Variants in THSD7B observed in about 807,000 individuals in gnomAD.
THSD7B encodes thrombospondin type-1 domain-containing protein 7B.
In THSD7B, 138 loss-of-function variants were observed where a neutral mutation model predicts 213.6. That is an observed-to-expected ratio of 0.65 (90% CI 0.56 to 0.74). The LOEUF (loss-of-function observed/expected upper bound fraction) is 0.74, where lower values mean the gene tolerates loss of function less well. THSD7B is among the 30% of genes least tolerant of loss of function. The probability of loss-of-function intolerance (pLI) is 0.00; values close to 1 mark genes in which losing one functional copy is unlikely to be tolerated. For synonymous variants in THSD7B, 742 were observed against 687.0 expected (o/e 1.08, Z -1.25); for missense variants, 1,931 against 1,991.5 (o/e 0.97, Z 0.58).
intron 14 of THSD7B, among the ~76,000 whole-genome samples, chr2:137,441,861 A>G (rs1326050746): frequency 6.6e-6 from 1 of 152,122 alleles, no homozygotes; most frequent in African/African-American, 2.4e-5. Context: ...CTGCTAAAGT[A>G]TCTTTACAGA....
intron 1 of THSD7B, among the ~76,000 whole-genome samples, chr2:136,824,024 CT>C (rs1682604409): frequency 6.6e-6 from 1 of 152,112 alleles, no homozygotes; most frequent in South Asian, 2.1e-4. Context: ...TCCATTATCT[CT>C]TTATTAATCC....
At chr2:137,464,324 A>C (rs1451230215) in intron 15 of THSD7B, among the ~76,000 whole-genome samples, 4 of 152,186 alleles carry the variant, frequency 2.6e-5, no homozygotes, top group African/African-American at 9.6e-5. Flanking sequence ...GAAAGAGTGC[A>C]GAATTCAGGA....
chr2:137,590,862 G>T (rs1462733641), intron 17 of THSD7B, among the ~76,000 whole-genome samples: 6 of 140,882 alleles, frequency 4.3e-5, no homozygotes, highest in South Asian at 2.3e-4. Context: ...TTTATCTGTG[G>T]AACTGTCTGG....
intron 2 of THSD7B, among the ~76,000 whole-genome samples, chr2:137,014,493 T>A (rs1354902448): frequency 2.0e-5 from 3 of 152,210 alleles, no homozygotes; most frequent in Admixed American, 2.0e-4. Context: ...TTGCTGCTTT[T>A]GCACAACAAC....
At chr2:137,462,418 G>A (rs1687903302) in intron 15 of THSD7B, among the ~76,000 whole-genome samples, 1 of 152,040 alleles carries the variant, frequency 6.6e-6, no homozygotes, top group Non-Finnish European at 1.5e-5. Flanking sequence ...TAGACTAACT[G>A]AGACCAAGTA....
intron 14 of THSD7B, 21 bp from the exon 15 acceptor site, chr2:137,450,824 T>G (rs777371637): frequency 3.9e-6 from 6 of 1,558,152 alleles, no homozygotes; most frequent in Non-Finnish European, 5.2e-6. Context: ...GACTTTCTTC[T>G]CTTAAATCTT....
chr2:136,792,338 G>C (rs1233901404), intron 1 of THSD7B, among the ~76,000 whole-genome samples: 2 of 151,998 alleles, frequency 1.3e-5, no homozygotes, highest in Non-Finnish European at 2.9e-5. Context: ...GAAAAGATCA[G>C]TGGTTGCCAG....
At chr2:137,169,701 G>A (rs972766645) in intron 6 of THSD7B, among the ~76,000 whole-genome samples, 8 of 152,136 alleles carry the variant, frequency 5.3e-5, no homozygotes, top group Admixed American at 5.2e-4. Context: ...TAGAAACGAT[G>A]GAAGGTATGA....
At chr2:137,451,073 A>T in intron 15 of THSD7B, 50 bp downstream of exon 15, 1 of 1,435,828 alleles carries the variant, frequency 7.0e-7, no homozygotes, top group African/African-American at 1.5e-5. Context: ...TATCCTCATT[A>T]TTATTTCCCA....
intron 15 of THSD7B, among the ~76,000 whole-genome samples, chr2:137,537,012 C>A (rs989873844): frequency 4.6e-5 from 7 of 151,712 alleles, no homozygotes; most frequent in African/African-American, 1.7e-4. Context: ...GAGCTGCATT[C>A]CTAGAACCCT....
intron 15 of THSD7B, among the ~76,000 whole-genome samples, chr2:137,560,325 T>C (rs190168752): frequency 4.7e-4 from 71 of 152,076 alleles, no homozygotes; most frequent in Middle Eastern, 3.4e-3. Context: ...TGTCCAACAA[T>C]GATAGACTGG....
intron 2 of THSD7B, among the ~76,000 whole-genome samples, chr2:136,929,804 A>G (rs552527771): frequency 5.9e-5 from 9 of 152,234 alleles, no homozygotes; most frequent in African/African-American, 2.2e-4. Context: ...TGTTGTAAAC[A>G]TGTGTGAATT....
At chr2:137,541,498 C>A (rs1680609036) in intron 15 of THSD7B, among the ~76,000 whole-genome samples, 2 of 151,570 alleles carry the variant, frequency 1.3e-5, no homozygotes, top group African/African-American at 4.8e-5. Context: ...GTGATCAAAT[C>A]AGGTTAATTC....
At chr2:136,827,964 G>A (rs1444321322) in intron 1 of THSD7B, among the ~76,000 whole-genome samples, 5 of 152,084 alleles carry the variant, frequency 3.3e-5, no homozygotes, top group Non-Finnish European at 7.4e-5. Flanking sequence ...GTGTGTGCCT[G>A]TGTATGTCTT....
At chr2:137,176,504 G>A (rs747435866) in intron 7 of THSD7B, among the ~76,000 whole-genome samples, 1 of 152,158 alleles carries the variant, frequency 6.6e-6, no homozygotes, top group Admixed American at 6.6e-5. Flanking sequence ...AATAAACATG[G>A]ACATGCATTT....
At chr2:136,781,631 A>G (rs1160212804) in intron 1 of THSD7B, among the ~76,000 whole-genome samples, 1 of 151,784 alleles carries the variant, frequency 6.6e-6, no homozygotes, top group East Asian at 1.9e-4. Flanking sequence ...CTGCTACTCT[A>G]CTATGGCCCC....
intron 12 of THSD7B, among the ~76,000 whole-genome samples, chr2:137,288,651 A>T (rs116443190): frequency 6.6e-6 from 1 of 152,048 alleles, no homozygotes; most frequent in East Asian, 1.9e-4. Flanking sequence ...TTCATACTCA[A>T]TGGGGTTTTA....
chr2:137,233,267 A>T, intron 9 of THSD7B, 134 bp downstream of exon 9: 1 of 780,982 alleles, frequency 1.3e-6, no homozygotes, highest in Non-Finnish European at 2.0e-6. Flanking sequence ...CTGTTTGACC[A>T]TTAAAGATTA....
intron 15 of THSD7B, among the ~76,000 whole-genome samples, chr2:137,480,880 CTA>C (rs1688291670): frequency 6.6e-6 from 1 of 152,250 alleles, no homozygotes; most frequent in Admixed American, 6.5e-5. Context: ...TGTACTTCTG[CTA>C]TGTTTGTGTC....
Sources: gnomAD v4.1 joint callset for allele counts (sites outside exome capture counted in the v4.1 genomes callset) on GRCh38, gnomAD v4.1.1 for gene constraint, MANE v1.5 for transcripts, NCBI Gene and HGNC (gene_info 2026-07-23, HGNC 2026-07-21) for gene names.